Variants in ZNF827 observed in about 807,000 individuals in gnomAD.
ZNF827 encodes the protein zinc finger protein 827.
ZNF827 carries 13 observed loss-of-function variants against 102.4 expected under a neutral mutation model. The observed-to-expected ratio is 0.13, with a 90% CI of 0.08 to 0.20. The LOEUF (loss-of-function observed/expected upper bound fraction) is 0.20, where lower values mean the gene tolerates loss of function less well. ZNF827 is among the 10% of genes least tolerant of loss of function. ZNF827 has a pLI of 1.00. For synonymous variants in ZNF827, 523 were observed against 536.2 expected (o/e 0.98, Z 0.34); for missense variants, 1,103 against 1,344.4 (o/e 0.82, Z 2.81).
chr4:145,836,074 T>C (rs62345817), intron 7 of ZNF827, among the ~76,000 whole-genome samples: 3 of 151,536 alleles, frequency 2.0e-5, no homozygotes, highest in African/African-American at 7.3e-5. Flanking sequence ...ACCCTGACAC[T>C]CATCAAGCTC....
intron 3 of ZNF827, among the ~76,000 whole-genome samples, chr4:145,891,257 A>G (rs1402895106): frequency 6.6e-6 from 1 of 152,182 alleles, no homozygotes; most frequent in Admixed American, 6.5e-5. Context: ...ACTAATGACA[A>G]CTCTTCCAGA....
intron 7 of ZNF827, among the ~76,000 whole-genome samples, chr4:145,833,738 A>C (rs112877252): frequency 4.9e-5 from 7 of 143,250 alleles, no homozygotes; most frequent in African/African-American, 1.9e-4. Context: ...AACCTCTTAT[A>C]TCTCTGCACC....
Position 145,929,652 on chromosome 4 carries a change from G to GA in ZNF827, c.43+8712dup, listed in dbSNP as rs199837979. 2.0e-4 allele frequency among the ~76,000 whole-genome samples: 30 copies of GA among 149,940 alleles called. 1 individual carries two copies. The highest frequency in any genetic ancestry group is 3.5e-3 in the Middle Eastern group (1 of 288). On this transcript the variant is annotated intron_variant, in intron 1 of 14. Transcript: ENST00000508784. Reference sequence around the variant, plus strand: ...TCACCACACTAATGAGATATATTGAGAAAAAAAAACCATAGAAACCACCAA... The same window carrying GA: ...TCACCACACTAATGAGATATATTGAGAAAAAAAAAACCATAGAAACCACCAA...
chr4:145,877,234 T>C (rs1477464091), intron 4 of ZNF827, among the ~76,000 whole-genome samples: 1 of 152,182 alleles, frequency 6.6e-6, no homozygotes, highest in Non-Finnish European at 1.5e-5. Flanking sequence ...AGAGCTTAAC[T>C]CTCCAGATCA....
chr4:145,787,236 G>A (rs1030923451), intron 8 of ZNF827, among the ~76,000 whole-genome samples: 3 of 152,146 alleles, frequency 2.0e-5, no homozygotes, highest in Admixed American at 6.5e-5. Flanking sequence ...AGGCCGAGGC[G>A]TGTGGATCAC....
chr4:145,855,528 T>G (rs1256917417), intron 5 of ZNF827, among the ~76,000 whole-genome samples: 7 of 152,180 alleles, frequency 4.6e-5, no homozygotes, highest in South Asian at 2.1e-4. Context: ...GGTAACATCT[T>G]TATCTTGGGA....
chr4:145,782,554 T>C (rs1362281141), intron 8 of ZNF827, among the ~76,000 whole-genome samples: 1 of 152,202 alleles, frequency 6.6e-6, no homozygotes, highest in Non-Finnish European at 1.5e-5. Context: ...ACTGCCTTAA[T>C]TGTGTCATCA....
rs1325924339 is a variant in ZNF827, at chr4:145,760,893, G to T, written c.*723C>A. The T allele has an allele frequency of 8.1e-7, 1 of 1,230,414 alleles. No individual in the cohort carries two copies. The highest frequency in any genetic ancestry group is 1.0e-6 in the Non-Finnish European group (1 of 961,754). The allele number at this position is 1,230,414 out of a possible 1,614,324, so 76.2% of individuals were successfully genotyped here. A position where few individuals can be genotyped will look rare whatever the true frequency, so the allele number is the denominator to read the frequency against. On this transcript the variant is annotated 3_prime_UTR_variant, in exon 15 of 15. Coordinates refer to ENST00000508784, the MANE Select transcript of ZNF827 (RefSeq NM_001306215.2). ...GGGGAGGGTGGAATGTGAGATCCAA[G>T]TGGTTCTTGGGGTATAACATTGTCA...
intron 7 of ZNF827, among the ~76,000 whole-genome samples, chr4:145,845,328 G>T (rs1745825325): frequency 6.6e-6 from 1 of 152,218 alleles, no homozygotes; most frequent in African/African-American, 2.4e-5. Context: ...CAGATGGACG[G>T]TGGGCAGCCC....
intron 8 of ZNF827, among the ~76,000 whole-genome samples, chr4:145,799,310 T>C (rs1032999971): frequency 2.0e-5 from 3 of 152,254 alleles, no homozygotes; most frequent in African/African-American, 7.2e-5. Flanking sequence ...TGGAGCTCAC[T>C]ATGTGCTAGG....
At chr4:145,917,700 CAAAAA>C (rs763617063) in intron 1 of ZNF827, among the ~76,000 whole-genome samples, 66 of 46,848 alleles carry the variant, frequency 1.4e-3, no homozygotes, top group South Asian at 3.0e-3. Context: ...GGTAGCTGGT[CAAAAA>C]AAAAAAAAAA....
intron 5 of ZNF827, among the ~76,000 whole-genome samples, chr4:145,860,307 T>C (rs1747572571): frequency 6.6e-6 from 1 of 152,166 alleles, no homozygotes; most frequent in East Asian, 1.9e-4. Context: ...GAAACACGCA[T>C]GTGGACCACA....
intron 9 of ZNF827, among the ~76,000 whole-genome samples, chr4:145,776,301 T>A (rs1308007395): frequency 6.6e-6 from 1 of 151,656 alleles, no homozygotes. Flanking sequence ...TACAAAAAAA[T>A]TTTTAAAAAA....
intron 8 of ZNF827, chr4:145,820,183 A>G (rs900631300): frequency 1.3e-5 from 2 of 152,696 alleles, no homozygotes; most frequent in African/African-American, 2.4e-5. Flanking sequence ...CTCTTCTAGC[A>G]CTTCCTTACC....
chr4:145,805,125 T>TTGTGTGTGTGTG (rs35536912), intron 8 of ZNF827, among the ~76,000 whole-genome samples: 2 of 148,270 alleles, frequency 1.3e-5, no homozygotes, highest in African/African-American at 5.0e-5. Context: ...GCAATTCCTT[T>TTGTGTGTGTGTG]TGTGTGTGTG....
chr4:145,905,736 T>C (rs998721883), intron 1 of ZNF827, among the ~76,000 whole-genome samples: 1 of 152,214 alleles, frequency 6.6e-6, no homozygotes, highest in African/African-American at 2.4e-5. Flanking sequence ...AAACATCTCA[T>C]CCTTCAGTAG....
intron 2 of ZNF827, among the ~76,000 whole-genome samples, chr4:145,894,327 C>T (rs1750819203): frequency 7.2e-5 from 11 of 152,134 alleles, no homozygotes; most frequent in Admixed American, 7.2e-4. Context: ...GCAGTTACCA[C>T]TGAAGGATTG....
At chr4:145,825,116 T>A (rs1004371091) in intron 7 of ZNF827, among the ~76,000 whole-genome samples, 3 of 152,212 alleles carry the variant, frequency 2.0e-5, no homozygotes, top group African/African-American at 7.2e-5. Context: ...CAAGGGTGGC[T>A]AAGGCCGTGA....
intron 8 of ZNF827, among the ~76,000 whole-genome samples, chr4:145,795,176 C>G (rs1740249108): frequency 6.6e-6 from 1 of 152,190 alleles, no homozygotes; most frequent in Admixed American, 6.5e-5. Flanking sequence ...GAGACTAAGT[C>G]TCACTCCCTC....
Sources: allele counts gnomAD v4.1 joint callset (sites outside exome capture counted in the v4.1 genomes callset), GRCh38; gene constraint gnomAD v4.1.1; transcripts MANE v1.5; gene names NCBI Gene and HGNC (gene_info 2026-07-23, HGNC 2026-07-21).